Variants in KMT2C observed in about 807,000 individuals in gnomAD.
The protein encoded by KMT2C is lysine methyltransferase 2C.
Under a neutral mutation model 507.9 loss-of-function variants are expected in KMT2C, and 88 were observed. The ratio of observed to expected loss-of-function variants is 0.17; its 90% CI spans 0.15 to 0.21. The LOEUF (loss-of-function observed/expected upper bound fraction) is 0.21, where lower values mean the gene tolerates loss of function less well. Among genes scored for constraint, KMT2C ranks in the 10% least tolerant of loss-of-function variants. The pLI is 1.00. For synonymous variants in KMT2C, 2,049 were observed against 2,080.8 expected (o/e 0.98, Z 0.42); for missense variants, 4,954 against 5,957.8 (o/e 0.83, Z 5.55).
Position 152,297,053 on chromosome 7 carries a change from GAC to G in KMT2C, c.849+12911_849+12912del, listed in dbSNP as rs1491173766. ...AGAAAGAAAGAAAGAAAGAAAGAAA[GAC>G]AGAGAGAGAGAGAGAGAGAGAGAGA... is the stretch of plus-strand genomic sequence containing the variant. On this transcript the variant is annotated intron_variant, in intron 6 of 58. Transcript: ENST00000262189. 3.8e-3 allele frequency among the ~76,000 whole-genome samples: 309 copies of G among 81,384 alleles called. 5 individuals are homozygous for G. The highest frequency in any genetic ancestry group is 0.014 in the East Asian group (35 of 2,478). The allele number at this position is 81,384 out of a possible 152,430, so 53.4% of individuals were successfully genotyped here. A position where few individuals can be genotyped will look rare whatever the true frequency, so the allele number is the denominator to read the frequency against.
chr7:152,400,271 T>C (rs370083995), intron 1 of KMT2C, among the ~76,000 whole-genome samples: 13 of 148,912 alleles, frequency 8.7e-5, no homozygotes, highest in African/African-American at 3.0e-4. Flanking sequence ...ATGGTACCAC[T>C]GCACTCCAGC....
In KMT2C at chr7:152,177,042, A is replaced by G. The variant is rs1423856947; in HGVS notation, c.8411T>C (p.Leu2804Pro). 6.2e-7 allele frequency: 1 copy of G among 1,612,902 alleles called. No homozygotes were observed. Among genetic ancestry groups the G allele is most frequent in the South Asian group, 1.1e-5 (1 of 90,476 alleles). ...TGGTGAATGTTTATCAGAGAGAACC[A>G]GAGTTTTGTTTTCTTGTTCCTTTTT... ...PKKKEQENKT[L>P]VLSDKHSPQK... The change falls in exon 38 of 59, where the codon CTG (leucine) becomes CCG (proline). Residue 2804 changes from leucine to proline, a missense_variant. Leu to Pro is a moderately conservative substitution (Grantham distance 98, BLOSUM62 -3). This residue lies in a region of KMT2C where 1,689 missense variants were observed against 1,654.3 expected (regional missense o/e 1.02). Coordinates refer to ENST00000262189, the MANE Select transcript of KMT2C (RefSeq NM_170606.3).
intron 43 of KMT2C, 62 bp from the exon 44 acceptor site, chr7:152,159,134 T>C: frequency 5.7e-6 from 8 of 1,403,928 alleles, no homozygotes; most frequent in Non-Finnish European, 8.1e-6. Context: ...TTTTAGTTCA[T>C]GCAGTGCCAA....
chr7:152,315,440 G>A, intron 3 of KMT2C, 102 bp from the exon 4 acceptor site: 1 of 772,206 alleles, frequency 1.3e-6, no homozygotes. Flanking sequence ...TATGTCTAAA[G>A]CACAAGCTAA....
chr7:152,176,738 T>G lies in KMT2C; in HGVS notation c.8715A>C (p.Val2905=). The part of the protein sequence containing the change: ...QASTQLPAQD[V]INSCGITGST... Reference sequence around the variant, plus strand: ...ATCCAGTTATGCCACAAGAGTTTATTACATCTTGAGCAGGTAGTTGAGTGG... The same window carrying G: ...ATCCAGTTATGCCACAAGAGTTTATGACATCTTGAGCAGGTAGTTGAGTGG... Residue 2905 remains valine, a synonymous_variant, in exon 38 of 59, where the codon GTA becomes GTC. Coordinates refer to ENST00000262189, the MANE Select transcript of KMT2C (RefSeq NM_170606.3). 3 of 1,614,148 alleles carry G rather than the reference T, an allele frequency of 1.9e-6. No individual in the cohort carries two copies. The highest frequency in any genetic ancestry group is 2.5e-6 in the Non-Finnish European group (3 of 1,179,996).
Position 152,290,258 on chromosome 7 carries a change from GTATATATATATATA to G in KMT2C, c.850-16405_850-16392del, listed in dbSNP as rs746466676. ...TGTGTGTGTGTGTGTGTGTGTATGT[GTATATATATATATA>G]TATATATATATATATATATATATTT... is the stretch of plus-strand genomic sequence containing the variant. On this transcript the variant is annotated intron_variant, in intron 6 of 58. Coordinates refer to ENST00000262189, the MANE Select transcript of KMT2C (RefSeq NM_170606.3). Among the ~76,000 whole-genome samples, 63 of 26,254 alleles carry G rather than the reference GTATATATATATATA, an allele frequency of 2.4e-3. 1 individual carries two copies. The highest frequency in any genetic ancestry group is 6.2e-3 in the African/African-American group (44 of 7,134). The allele number at this position is 26,254 out of a possible 152,430, so 17.2% of individuals were successfully genotyped here.
chr7:152,360,989 A>T (rs566708800), intron 1 of KMT2C, among the ~76,000 whole-genome samples: 1 of 152,344 alleles, frequency 6.6e-6, no homozygotes, highest in South Asian at 2.1e-4. Context: ...ATTGTCAAAA[A>T]CTATGAATGA....
chr7:152,208,711 T>G (rs1473029207), intron 23 of KMT2C, among the ~76,000 whole-genome samples: 1 of 152,244 alleles, frequency 6.6e-6, no homozygotes, highest in Non-Finnish European at 1.5e-5. Flanking sequence ...TAAAATCAAG[T>G]TGTTAACTCC....
Position 152,170,310 on chromosome 7 carries a change from C to T in KMT2C, c.9453+954G>A, listed in dbSNP as rs536315060. ...CATAATAAATCTAAAGCATAACTGGCAGGGCAAGGAAGAAAACAGGACATA... is the reference window on the plus strand; with the variant it reads ...CATAATAAATCTAAAGCATAACTGGTAGGGCAAGGAAGAAAACAGGACATA... On this transcript the variant is annotated intron_variant, in intron 40 of 58. Coordinates refer to ENST00000262189, the MANE Select transcript of KMT2C (RefSeq NM_170606.3). Among the ~76,000 whole-genome samples, 21 of 151,866 alleles carry T rather than the reference C, an allele frequency of 1.4e-4. No individual in the cohort carries two copies. The South Asian group carries it at 1.7e-3, about 12-fold the overall frequency.
intron 1 of KMT2C, among the ~76,000 whole-genome samples, chr7:152,400,145 T>C (rs543381908): frequency 5.9e-4 from 90 of 152,134 alleles, no homozygotes; most frequent in African/African-American, 2.1e-3. Context: ...ACCCCCTCTC[T>C]ACTAAAAATA....
chr7:152,433,331 T>A (rs2097882455), intron 1 of KMT2C, among the ~76,000 whole-genome samples: 1 of 152,236 alleles, frequency 6.6e-6, no homozygotes, highest in Admixed American at 6.5e-5. Flanking sequence ...TTTACACTGG[T>A]TACACATAAG....
At chr7:152,206,547 A>G (rs2094313431) in intron 24 of KMT2C, among the ~76,000 whole-genome samples, 2 of 152,290 alleles carry the variant, frequency 1.3e-5, no homozygotes, top group Non-Finnish European at 1.5e-5. Flanking sequence ...CCAATAAAAT[A>G]TAAGCAATAA....
rs561356600 is a variant in KMT2C, at chr7:152,288,124, G to C, written c.850-14257C>G. Among the ~76,000 whole-genome samples, 6 of 144,026 alleles carry C rather than the reference G, an allele frequency of 4.2e-5. No individual in the cohort carries two copies. The East Asian group carries it at 1.0e-3, about 25-fold the overall frequency. 94.5% of individuals were successfully genotyped at this position (144,026 alleles called of 152,430 possible). On this transcript the variant is annotated intron_variant, in intron 6 of 58. Transcript: ENST00000262189. ...AAATCAAGAAAGAAACAAATACCAAGTTGAAAACTAAAAAATATGCTAACA... is the reference window on the plus strand; with the variant it reads ...AAATCAAGAAAGAAACAAATACCAACTTGAAAACTAAAAAATATGCTAACA...
At chr7:152,319,270 A>G (rs2096749821) in intron 3 of KMT2C, among the ~76,000 whole-genome samples, 1 of 152,208 alleles carries the variant, frequency 6.6e-6, no homozygotes, top group Admixed American at 6.5e-5. Flanking sequence ...TTATACATGA[A>G]TATCATTAAT....
chr7:152,214,185 C>T (rs1307343519), intron 23 of KMT2C, among the ~76,000 whole-genome samples: 1 of 151,344 alleles, frequency 6.6e-6, no homozygotes, highest in Non-Finnish European at 1.5e-5. Flanking sequence ...AAAAAACTAC[C>T]ACCATAAGAT....
intron 26 of KMT2C, among the ~76,000 whole-genome samples, chr7:152,199,908 A>G (rs187395599): frequency 2.2e-4 from 33 of 152,322 alleles, no homozygotes; most frequent in African/African-American, 7.9e-4. Flanking sequence ...AGACGGTTTT[A>G]TAGTCAGTTT....
chr7:152,205,760 T>C (rs1316372658), intron 24 of KMT2C, among the ~76,000 whole-genome samples: 4 of 152,208 alleles, frequency 2.6e-5, no homozygotes, highest in Admixed American at 6.5e-5. Context: ...CTATACCATC[T>C]AGGTTTGTGG....
In KMT2C at chr7:152,251,941, G is replaced by C; in HGVS notation, c.1619C>G (p.Thr540Arg). The stretch of plus-strand genomic sequence containing the variant: ...AAAAAAATCATTCTCAAATTTACCT[G>C]TAGTGAGCTCAGCTATCTCCACTTC... ...GEEVEIAELT[T>R]DYNNEMEVEG... The change falls in exon 11 of 59, where the codon ACA becomes AGA. Residue 540 changes from threonine to arginine, a missense_variant and splice_region_variant. Thr to Arg is a moderately conservative substitution (Grantham distance 71). This residue lies in a region of KMT2C where 376 missense variants were observed against 352.4 expected (regional missense o/e 1.07). Transcript: ENST00000262189. 1 of 1,593,222 alleles carries C rather than the reference G, an allele frequency of 6.3e-7. No homozygotes were observed. The highest frequency in any genetic ancestry group is 8.5e-7 in the Non-Finnish European group (1 of 1,171,186).
At chr7:152,336,613 A>G (rs1208493398) in intron 2 of KMT2C, among the ~76,000 whole-genome samples, 1 of 152,160 alleles carries the variant, frequency 6.6e-6, no homozygotes, top group African/African-American at 2.4e-5. Flanking sequence ...GAAGCTAGCC[A>G]TTCAACCAAT....
Sources: gnomAD v4.1 joint callset for allele counts (sites outside exome capture counted in the v4.1 genomes callset) on GRCh38, gnomAD v4.1.1 for gene constraint, gnomAD v4.1.1 regional missense constraint, MANE v1.5 for transcripts, NCBI Gene and HGNC (gene_info 2026-07-23, HGNC 2026-07-21) for gene names.